TWF1: variants seen among roughly 807,000 people sequenced by gnomAD.
The protein encoded by TWF1 is twinfilin-1.
Under a neutral mutation model 47.9 loss-of-function variants are expected in TWF1, and 14 were observed. That is an observed-to-expected ratio of 0.29 (90% CI 0.19 to 0.46). TWF1 has a LOEUF of 0.46. TWF1 is among the 20% of genes least tolerant of loss of function. The pLI, the probability that TWF1 is intolerant of heterozygous loss-of-function variation, is 1.00. For synonymous variants in TWF1, 96 were observed against 139.2 expected (o/e 0.69, Z 2.18); for missense variants, 281 against 409.3 (o/e 0.69, Z 2.70).
chr12:43,806,150 C>A (rs941997403), intron 1 of TWF1, 71 bp downstream of exon 1: 2 of 1,532,712 alleles, frequency 1.3e-6, no homozygotes, highest in South Asian at 1.2e-5. Flanking sequence ...CCCTGCCGGT[C>A]CTGCAGCCCT....
chr12:43,805,566 G>C (rs1003755877), intron 1 of TWF1: 1 of 461,326 alleles, frequency 2.2e-6, no homozygotes, highest in Admixed American at 2.3e-5. Context: ...ATGGAGGTCA[G>C]ATATAACTGC....
chr12:43,806,278 G>C lies in TWF1; in HGVS notation c.-33C>G. ...GCCGCTAGCTCCCGGCTCCGGCGCT[G>C]AGTGCAGCCAGCGGCCCCGGCCGGC... On this transcript the variant is annotated 5_prime_UTR_variant, in exon 1 of 9. Coordinates refer to ENST00000395510, the MANE Select transcript of TWF1 (RefSeq NM_002822.5). 6.7e-7 allele frequency: 1 copy of C among 1,502,762 alleles called. No individual in the cohort carries two copies. Among genetic ancestry groups the C allele is most frequent in the Non-Finnish European group, 8.9e-7 (1 of 1,129,218 alleles). 93.1% of individuals were successfully genotyped at this position (1,502,762 alleles called of 1,614,324 possible).
chr12:43,804,562 A>T lies in TWF1; in HGVS notation c.36T>A (p.Asp12Glu), dbSNP rs1295065681. 9 of 1,598,498 alleles carry T rather than the reference A, an allele frequency of 5.6e-6. No homozygotes were observed. The highest frequency in any genetic ancestry group is 6.8e-6 in the Non-Finnish European group (8 of 1,173,230). The part of the protein sequence containing the change: ...SHQTGIQASE[D>E]VKEIFARARN... Reference sequence around the variant, plus strand: ...TGGCTCTGGCAAAGATCTCTTTAACATCTTCACTTGCTGTGGAAAAAGATA... The same window carrying T: ...TGGCTCTGGCAAAGATCTCTTTAACTTCTTCACTTGCTGTGGAAAAAGATA... The change falls in exon 2 of 9, where the codon GAT becomes GAA. Residue 12 changes from aspartate to glutamate, a missense_variant. By Grantham distance (45) the Asp-to-Glu change is conservative (BLOSUM62 2). Coordinates refer to ENST00000395510, the MANE Select transcript of TWF1 (RefSeq NM_002822.5).
chr12:43,804,751 T>A (rs574347157), intron 1 of TWF1, among the ~76,000 whole-genome samples, 179 bp from the exon 2 acceptor site: 4 of 152,334 alleles, frequency 2.6e-5, no homozygotes, highest in African/African-American at 9.6e-5. Context: ...TTAAGAAATA[T>A]AAATATTAGC....
Position 43,795,485 on chromosome 12 carries a change from T to A in TWF1, c.*100A>T, listed in dbSNP as rs1942532336. ...AGTGCTATTTTCCAAAAAGTACAATTTTTTTCCCTACTTTATATCAACATG... is the reference window on the plus strand; with the variant it reads ...AGTGCTATTTTCCAAAAAGTACAATATTTTTCCCTACTTTATATCAACATG... On this transcript the variant is annotated 3_prime_UTR_variant, in exon 9 of 9. Transcript: ENST00000395510. 2 of 1,235,312 alleles carry A rather than the reference T, an allele frequency of 1.6e-6. No homozygotes were observed. The highest frequency in any genetic ancestry group is 2.2e-6 in the Non-Finnish European group (2 of 901,846). The allele number at this position is 1,235,312 out of a possible 1,614,324, so 76.5% of individuals were successfully genotyped here.
At chr12:43,796,071 C>T (rs1437524234) in intron 8 of TWF1, among the ~76,000 whole-genome samples, 1 of 152,186 alleles carries the variant, frequency 6.6e-6, no homozygotes, top group Non-Finnish European at 1.5e-5. Context: ...ACTCATGACC[C>T]TTTCATCACT....
At chr12:43,798,176 T>G (rs957736582) in intron 5 of TWF1, among the ~76,000 whole-genome samples, 6 of 152,100 alleles carry the variant, frequency 3.9e-5, no homozygotes, top group African/African-American at 1.4e-4. Flanking sequence ...TAAACAACAA[T>G]CTACATACAA....
Position 43,795,679 on chromosome 12 carries a change from T to A in TWF1, c.959A>T (p.Lys320Met). 1 of 1,613,862 alleles carries A rather than the reference T, an allele frequency of 6.2e-7. No homozygotes were observed. The highest frequency in any genetic ancestry group is 8.5e-7 in the Non-Finnish European group (1 of 1,179,886). Residue 320 changes from lysine to methionine, a missense_variant, in exon 9 of 9, where the codon AAG becomes ATG. Transcript: ENST00000395510. ...EEVHPKQHAH[K>M]QSFAKPKGPA... ...ACCTTTTGGTTTTGCAAAACTTTGC[T>A]TGTGTGCATGCTGCTTGGGATGTAC... is the stretch of plus-strand genomic sequence containing the variant.
At position 43,804,520 on chromosome 12, in the gene TWF1, T is replaced by C; in HGVS notation, c.78A>G (p.Arg26=). Residue 26 remains arginine (R), a synonymous_variant, in exon 2 of 9, where the codon AGA becomes AGG. Transcript: ENST00000395510. The stretch of plus-strand genomic sequence containing the variant: ...CATTTTCAATAGATATTTTCAGAAG[T>C]CTGTACTTTCCATTTCTGGCTCTGG... The part of the protein sequence containing the change: ...IFARARNGKY[R]LLKISIENEQ... 2 of 1,600,394 alleles carry C rather than the reference T, an allele frequency of 1.2e-6. No homozygotes were observed.
chr12:43,797,527 C>A, intron 6 of TWF1, 75 bp from the exon 7 acceptor site: 1 of 1,381,346 alleles, frequency 7.2e-7, no homozygotes, highest in Non-Finnish European at 9.8e-7. Context: ...AATAAAAAGA[C>A]CAAGAGATAA....
intron 5 of TWF1, among the ~76,000 whole-genome samples, chr12:43,798,344 C>T (rs1217705307): frequency 2.0e-5 from 3 of 152,054 alleles, no homozygotes; most frequent in Admixed American, 6.6e-5. Flanking sequence ...TTACTAAGAA[C>T]ATGGTGTGCA....
intron 2 of TWF1, among the ~76,000 whole-genome samples, chr12:43,803,906 T>C (rs1054434906): frequency 5.3e-5 from 8 of 152,246 alleles, no homozygotes; most frequent in Admixed American, 5.2e-4. Context: ...TGAGTACCTA[T>C]AACAATAATT....
At chr12:43,805,973 T>C (rs760142167) in intron 1 of TWF1, 60 of 1,544,700 alleles carry the variant, frequency 3.9e-5, no homozygotes, top group Admixed American at 9.0e-5. Context: ...GAAAGCCAAT[T>C]TCCTTCGCTC....
chr12:43,801,102 A>C (rs1458435898), intron 3 of TWF1, among the ~76,000 whole-genome samples: 2 of 152,202 alleles, frequency 1.3e-5, no homozygotes, highest in Non-Finnish European at 2.9e-5. Flanking sequence ...TCATTTTTCA[A>C]ACTCATAAGT....
chr12:43,796,632 G>A (rs1488263877), intron 8 of TWF1, among the ~76,000 whole-genome samples: 4 of 152,054 alleles, frequency 2.6e-5, no homozygotes, highest in Non-Finnish European at 5.9e-5. Context: ...AGGACTTTTT[G>A]CACTGATGGA....
intron 4 of TWF1, 108 bp from the exon 5 acceptor site, chr12:43,799,610 TA>T: frequency 1.8e-6 from 1 of 555,044 alleles, no homozygotes; most frequent in Non-Finnish European, 3.0e-6. Flanking sequence ...TAAATGAAAA[TA>T]AATAGCATTA....
chr12:43,804,191 C>T, intron 2 of TWF1: 1 of 447,482 alleles, frequency 2.2e-6, no homozygotes, highest in Non-Finnish European at 4.4e-6. Context: ...TAGTGATTTC[C>T]ATTCCAGAGA....
At chr12:43,796,185 A>G (rs1942546998) in intron 8 of TWF1, among the ~76,000 whole-genome samples, 1 of 152,174 alleles carries the variant, frequency 6.6e-6, no homozygotes, top group Non-Finnish European at 1.5e-5. Flanking sequence ...GGGTTGTTAA[A>G]CAACAATAAG....
intron 3 of TWF1, among the ~76,000 whole-genome samples, chr12:43,801,550 C>T (rs1942661747): frequency 6.6e-6 from 1 of 152,156 alleles, no homozygotes; most frequent in South Asian, 2.1e-4. Context: ...AATCTACTAC[C>T]AGCTTTCCTA....
Sources: allele counts gnomAD v4.1 joint callset (sites outside exome capture counted in the v4.1 genomes callset), GRCh38; gene constraint gnomAD v4.1.1; transcripts MANE v1.5; gene names NCBI Gene and HGNC (gene_info 2026-07-23, HGNC 2026-07-21).